The following SEC22A variants were observed in gnomAD, a reference collection of about 807,000 sequenced individuals.
SEC22A encodes vesicle-trafficking protein SEC22a.
In SEC22A, 22 loss-of-function variants were observed where a neutral mutation model predicts 35.3. The ratio of observed to expected loss-of-function variants is 0.62; its 90% CI spans 0.45 to 0.89. SEC22A has a LOEUF of 0.89. Among genes scored for constraint, SEC22A ranks in the 40% least tolerant of loss-of-function variants. The probability of loss-of-function intolerance (pLI) is 0.00; values close to 1 mark genes in which losing one functional copy is unlikely to be tolerated. For synonymous variants in SEC22A, 119 were observed against 129.5 expected, an observed-to-expected ratio of 0.92 and a Z score of 0.55; for missense variants, 354 against 362.5, an observed-to-expected ratio of 0.98 and a Z score of 0.19.
intron 6 of SEC22A, among the ~76,000 whole-genome samples, chr3:123,265,441 C>G (rs758337540): frequency 8.6e-5 from 13 of 150,962 alleles, no homozygotes; most frequent in Non-Finnish European, 1.3e-4. Flanking sequence ...GTCTTTTCAT[C>G]CTCTTAACAG....
intron 6 of SEC22A, among the ~76,000 whole-genome samples, chr3:123,270,085 A>T (rs971533205): frequency 6.6e-6 from 1 of 152,204 alleles, no homozygotes; most frequent in Non-Finnish European, 1.5e-5. Context: ...AGATTAGCTA[A>T]GAGTATTGAA....
intron 5 of SEC22A, among the ~76,000 whole-genome samples, chr3:123,257,422 C>G (rs924775842): frequency 6.6e-6 from 1 of 152,198 alleles, no homozygotes; most frequent in African/African-American, 2.4e-5. Context: ...TAAGGCCAGG[C>G]ACGGTGGCTC....
chr3:123,213,998 A>G (rs1331204879), intron 2 of SEC22A, among the ~76,000 whole-genome samples: 1 of 152,218 alleles, frequency 6.6e-6, no homozygotes, highest in Non-Finnish European at 1.5e-5. Context: ...ATCCTGGACA[A>G]CATGGTGAAA....
At chr3:123,207,690 C>T (rs956717818) in intron 1 of SEC22A, among the ~76,000 whole-genome samples, 1 of 152,222 alleles carries the variant, frequency 6.6e-6, no homozygotes, top group Admixed American at 6.5e-5. Flanking sequence ...GCATTTTTAA[C>T]TAAACTTTCA....
chr3:123,203,213 T>G (rs1936785593), intron 1 of SEC22A, among the ~76,000 whole-genome samples: 1 of 151,756 alleles, frequency 6.6e-6, no homozygotes, highest in African/African-American at 2.4e-5. Context: ...GGGCCTGAGT[T>G]TAAATCCCTA....
chr3:123,250,497 T>TA (rs1188361402), intron 5 of SEC22A, among the ~76,000 whole-genome samples: 29 of 152,264 alleles, frequency 1.9e-4, no homozygotes, highest in South Asian at 6.2e-4. Context: ...TTTAGTTAGG[T>TA]GTTGCTCCAT....
intron 6 of SEC22A, among the ~76,000 whole-genome samples, chr3:123,263,983 C>G (rs958340943): frequency 6.6e-6 from 1 of 151,596 alleles, no homozygotes; most frequent in African/African-American, 2.4e-5. Context: ...TGCAGTGATG[C>G]CATCACAGCC....
intron 2 of SEC22A, among the ~76,000 whole-genome samples, chr3:123,217,116 G>A (rs894224541): frequency 2.6e-5 from 4 of 150,970 alleles, no homozygotes; most frequent in African/African-American, 9.7e-5. Context: ...GGTGTGAGCC[G>A]CTGCACCTGG....
intron 5 of SEC22A, among the ~76,000 whole-genome samples, chr3:123,254,735 TTC>T (rs1937682006): frequency 6.9e-6 from 1 of 145,020 alleles, no homozygotes; most frequent in Admixed American, 6.9e-5. Flanking sequence ...TTCTTTTCTT[TTC>T]TTTTTTTTTA....
intron 6 of SEC22A, among the ~76,000 whole-genome samples, chr3:123,261,160 C>G (rs1309300817): frequency 6.6e-6 from 1 of 152,118 alleles, no homozygotes; most frequent in Admixed American, 6.5e-5. Flanking sequence ...TTTTCTTAAC[C>G]ATTTATATTA....
chr3:123,261,934 G>A (rs1937902816), intron 6 of SEC22A, among the ~76,000 whole-genome samples: 1 of 152,138 alleles, frequency 6.6e-6, no homozygotes, highest in Non-Finnish European at 1.5e-5. Context: ...TGTCACTCAG[G>A]TGTTCTTTTA....
chr3:123,259,076 C>T (rs1250156171), intron 5 of SEC22A, among the ~76,000 whole-genome samples: 1 of 152,130 alleles, frequency 6.6e-6, no homozygotes, highest in African/African-American at 2.4e-5. Context: ...TTAAAAAAAT[C>T]ATATCAAATT....
chr3:123,209,340 G>A lies in SEC22A; in HGVS notation c.123G>A (p.Ser41=), dbSNP rs575305854. ...GCAGAAAGTATTTTAAAATGCTTTCGAGGAAACTTGCTCAACTTCCTGATA... is the reference window on the plus strand; with the variant it reads ...GCAGAAAGTATTTTAAAATGCTTTCAAGGAAACTTGCTCAACTTCCTGATA... ...QECRKYFKML[S]RKLAQLPDRC... The change falls in exon 2 of 7, where the codon TCG becomes TCA. Residue 41 remains serine, a synonymous_variant. Transcript: ENST00000492595. The A allele has an allele frequency of 8.1e-6, 13 of 1,613,964 alleles. No individual in the cohort carries two copies. In the Admixed American group the frequency reaches 1.2e-4, roughly 14 times the overall value.
chr3:123,241,889 A>G (rs1263805154), intron 4 of SEC22A, among the ~76,000 whole-genome samples: 3 of 152,178 alleles, frequency 2.0e-5, no homozygotes, highest in Non-Finnish European at 4.4e-5. Flanking sequence ...GCACAGAAAG[A>G]CAAACATTGC....
chr3:123,248,161 G>T (rs757270892), intron 5 of SEC22A, among the ~76,000 whole-genome samples: 1 of 152,156 alleles, frequency 6.6e-6, no homozygotes, highest in East Asian at 1.9e-4. Flanking sequence ...GGGCAAGGAT[G>T]TCCCCACTTA....
chr3:123,251,723 T>C (rs1214395835), intron 5 of SEC22A, among the ~76,000 whole-genome samples: 2 of 149,980 alleles, frequency 1.3e-5, no homozygotes, highest in Non-Finnish European at 3.0e-5. Context: ...TGAAAATCAG[T>C]ACCTTTGCAA....
At position 123,252,442 on chromosome 3, in the gene SEC22A, G is replaced by T. The variant is rs116391388; in HGVS notation, c.657+6428G>T. ...CAATGTTAGAGGAGGGGGAAGGGCA[G>T]TACCCCAGATTGAGTGGGCTTACTG... On this transcript the variant is annotated intron_variant, in intron 5 of 6. Transcript: ENST00000492595. Among the ~76,000 whole-genome samples the T allele has an allele frequency of 8.3e-3, 1,265 of 152,248 alleles. 11 individuals carry two copies. The highest frequency in any genetic ancestry group is 0.014 in the Non-Finnish European group (953 of 68,012).
chr3:123,260,240 A>G (rs1473160990), intron 6 of SEC22A, among the ~76,000 whole-genome samples: 1 of 146,020 alleles, frequency 6.8e-6, no homozygotes, highest in Non-Finnish European at 1.5e-5. Context: ...AGGATTTTGT[A>G]TTGGAGGGAA....
intron 2 of SEC22A, among the ~76,000 whole-genome samples, chr3:123,222,437 G>A (rs1576488055): frequency 3.3e-5 from 5 of 152,150 alleles, no homozygotes; most frequent in Admixed American, 3.3e-4. Context: ...GACCTCAGAT[G>A]ATCCGCCCAC....
Sources: gnomAD v4.1 joint callset for allele counts (sites outside exome capture counted in the v4.1 genomes callset) on GRCh38, gnomAD v4.1.1 for gene constraint, MANE v1.5 for transcripts, NCBI Gene and HGNC (gene_info 2026-07-23, HGNC 2026-07-21) for gene names.